PDXDC1: variants seen among roughly 807,000 people sequenced by gnomAD.
PDXDC1 encodes the protein pyridoxal-dependent decarboxylase domain-containing protein 1.
A neutral mutation model predicts 100.1 loss-of-function variants in PDXDC1; 42 were observed. That is an observed-to-expected ratio of 0.42 (90% CI 0.33 to 0.54). The LOEUF is 0.54. Among genes scored for constraint, PDXDC1 ranks in the 20% least tolerant of loss-of-function variants. The pLI, the probability that PDXDC1 is intolerant of heterozygous loss-of-function variation, is 0.10. For missense variants in PDXDC1, 636 were observed against 979.2 expected (o/e 0.65, Z 4.68); for synonymous variants, 260 against 371.7 (o/e 0.70, Z 3.46).
Position 14,998,401 on chromosome 16 carries a change from G to A in PDXDC1, c.157G>A (p.Gly53Ser). Residue 53 changes from glycine (G) to serine (S), a missense_variant, in exon 3 of 23, where the codon GGC (glycine) becomes AGC (serine). Physicochemically the swap from Gly to Ser is moderately conservative, Grantham distance 56. Coordinates refer to ENST00000396410, the MANE Select transcript of PDXDC1 (RefSeq NM_015027.4). Reference sequence around the variant, plus strand: ...CGGAGATATTCCAGGCCCACTCCAGGGCAGGTAGGTGGCACTGAGGATCCA... The same window carrying A: ...CGGAGATATTCCAGGCCCACTCCAGAGCAGGTAGGTGGCACTGAGGATCCA... ...ISGDIPGPLQ[G>S]SGQDMVSILQ... 6.2e-7 allele frequency: 1 copy of A among 1,612,508 alleles called. No homozygotes were observed. The highest frequency in any genetic ancestry group is 8.5e-7 in the Non-Finnish European group (1 of 1,179,692).
downstream of PDXDC1, chr16:15,038,726 T>A: frequency 8.6e-7 from 1 of 1,167,386 alleles, no homozygotes; most frequent in Middle Eastern, 1.9e-4. Flanking sequence ...TTCAGGAATG[T>A]CACCCACTTT....
At chr16:15,001,614 T>A (rs1445834151) in intron 3 of PDXDC1, among the ~76,000 whole-genome samples, 162 bp from the exon 4 acceptor site, 2 of 152,300 alleles carry the variant, frequency 1.3e-5, no homozygotes, top group South Asian at 2.1e-4. Flanking sequence ...TGAGCTTTGT[T>A]TTTTAAAAAG....
downstream of PDXDC1, among the ~76,000 whole-genome samples, chr16:15,143,549 T>TCCTGCCCTCC (rs1436739556): frequency 6.6e-6 from 1 of 152,164 alleles, no homozygotes; most frequent in Non-Finnish European, 1.5e-5. Context: ...GCGCTGGCTC[T>TCCTGCCCTCC]CCTGCCCTCC....
chr16:15,069,595 C>G (rs2045135689), intron 16 of PDXDC1, among the ~76,000 whole-genome samples: 1 of 152,172 alleles, frequency 6.6e-6, no homozygotes, highest in African/African-American at 2.4e-5. Context: ...ACTTTAGGGT[C>G]AGCCAAACCT....
chr16:15,064,831 C>G (rs767922728), intron 16 of PDXDC1, among the ~76,000 whole-genome samples: 4 of 152,188 alleles, frequency 2.6e-5, no homozygotes, highest in Non-Finnish European at 5.9e-5. Context: ...GTGAAGAGCC[C>G]TAAATCCCAA....
intron 16 of PDXDC1, chr16:15,104,216 C>G: frequency 9.2e-7 from 1 of 1,089,834 alleles, no homozygotes; most frequent in Non-Finnish European, 1.2e-6. Flanking sequence ...CCAACCACTT[C>G]TAAAGATTAA....
chr16:15,011,327 G>A (rs1479994913), intron 8 of PDXDC1, among the ~76,000 whole-genome samples: 17 of 152,280 alleles, frequency 1.1e-4, no homozygotes, highest in African/African-American at 4.1e-4. Context: ...TTCCATCAGT[G>A]GTCTTAGAGC....
downstream of PDXDC1, chr16:15,041,760 G>A: frequency 1.0e-6 from 1 of 987,202 alleles, no homozygotes; most frequent in Non-Finnish European, 1.6e-6. Flanking sequence ...ACGACAGGGA[G>A]GGACGGCAGC....
At chr16:15,015,982 T>C (rs2041764660) in intron 8 of PDXDC1, 147 bp from the exon 9 acceptor site, 1 of 1,431,368 alleles carries the variant, frequency 7.0e-7, no homozygotes, top group Non-Finnish European at 9.3e-7. Context: ...ACACTGATTT[T>C]AAGTCCTTCC....
intron 5 of PDXDC1, among the ~76,000 whole-genome samples, chr16:15,005,513 G>T (rs959525419): frequency 6.6e-6 from 1 of 152,260 alleles, no homozygotes; most frequent in Non-Finnish European, 1.5e-5. Context: ...CATTTATCTT[G>T]AGAGACCCTG....
intron 16 of PDXDC1, among the ~76,000 whole-genome samples, chr16:15,094,999 G>A (rs1395563113): frequency 2.6e-5 from 4 of 152,052 alleles, no homozygotes; most frequent in South Asian, 2.1e-4. Flanking sequence ...CACCACACCC[G>A]GCTAATTTTC....
chr16:15,146,364 C>T, the PDXDC1 span, among the ~76,000 whole-genome samples: 1 of 152,314 alleles, frequency 6.6e-6, no homozygotes, highest in Non-Finnish European at 1.5e-5. Context: ...GCAGGGTCCG[C>T]ACGTCAGGGC....
At chr16:15,076,376 T>A (rs1034234698) in intron 16 of PDXDC1, 22 of 615,332 alleles carry the variant, frequency 3.6e-5, no homozygotes, top group Non-Finnish European at 5.3e-5. Context: ...GCCTTGGAAA[T>A]AGACCAACTA....
Position 15,034,328 on chromosome 16 carries a change from G to C in PDXDC1, c.1855G>C (p.Glu619Gln). The C allele has an allele frequency of 6.2e-7, 1 of 1,613,480 alleles. No homozygotes were observed. The highest frequency in any genetic ancestry group is 8.5e-7 in the Non-Finnish European group (1 of 1,179,964). ...AGAAGTGGTTCGGAAAGGCATTCAG[G>C]AAGCTCAAGTGGAGCTGCAGAAGGC... ...MTEVVRKGIQEAQVELQKASE... is the reference protein window; with the variant it reads ...MTEVVRKGIQQAQVELQKASE... The change falls in exon 20 of 23, where the codon GAA becomes CAA. Residue 619 changes from glutamate to glutamine, a missense_variant. Around this residue, in one of 4 missense-constraint regions of PDXDC1, gnomAD observed 452 missense variants for 402.9 expected, o/e 1.12. Coordinates refer to ENST00000396410, the MANE Select transcript of PDXDC1 (RefSeq NM_015027.4).
chr16:15,076,635 G>C, intron 16 of PDXDC1: 1 of 1,609,498 alleles, frequency 6.2e-7, no homozygotes, highest in Non-Finnish European at 8.5e-7. Context: ...TCAATACCCT[G>C]CCGGGATGCA....
At chr16:15,139,598 T>C (rs1340163282), downstream of PDXDC1, among the ~76,000 whole-genome samples, 5 of 148,196 alleles carry the variant, frequency 3.4e-5, no homozygotes, top group East Asian at 6.0e-4. Flanking sequence ...ATGGACAGCA[T>C]AGCAAGACCC....
intron 16 of PDXDC1, among the ~76,000 whole-genome samples, chr16:15,082,058 G>C (rs1241877942): frequency 6.6e-6 from 1 of 152,200 alleles, no homozygotes; most frequent in African/African-American, 2.4e-5. Flanking sequence ...CCTTGCAAAA[G>C]AGAGTTTACG....
At chr16:15,136,691 G>A (rs1344353935) in intron 16 of PDXDC1, 12 of 1,057,580 alleles carry the variant, frequency 1.1e-5, no homozygotes, top group East Asian at 7.5e-5. Flanking sequence ...ACCACCAGGC[G>A]GTAGCAGTGC....
intron 16 of PDXDC1, among the ~76,000 whole-genome samples, chr16:15,078,399 T>C (rs942040151): frequency 3.9e-5 from 6 of 152,080 alleles, no homozygotes; most frequent in Admixed American, 1.3e-4. Flanking sequence ...CACCAAGGTC[T>C]CTAACAGCCC....
Sources: gnomAD v4.1 joint callset for allele counts (sites outside exome capture counted in the v4.1 genomes callset) on GRCh38, gnomAD v4.1.1 for gene constraint, gnomAD v4.1.1 regional missense constraint, MANE v1.5 for transcripts, NCBI Gene and HGNC (gene_info 2026-07-23, HGNC 2026-07-21) for gene names.